The following LHFPL3 variants were observed in gnomAD, a reference collection of about 807,000 sequenced individuals.
The protein encoded by LHFPL3 is LHFPL tetraspan subfamily member 3.
Under a neutral mutation model 19.3 loss-of-function variants are expected in LHFPL3, and 5 were observed. That is an observed-to-expected ratio of 0.26 (90% CI 0.14 to 0.54). The LOEUF is 0.54. LHFPL3 is among the 20% of genes least tolerant of loss of function. The pLI is 0.94. For synonymous variants in LHFPL3, 133 were observed against 126.2 expected (o/e 1.05, Z -0.36); for missense variants, 249 against 307.4 (o/e 0.81, Z 1.42).
chr7:104,865,049 G>A (rs1791694150), intron 2 of LHFPL3, among the ~76,000 whole-genome samples: 1 of 152,062 alleles, frequency 6.6e-6, no homozygotes, highest in Non-Finnish European at 1.5e-5. Flanking sequence ...AAACAGAAAG[G>A]ACATCCACAC....
At chr7:104,548,363 C>T (rs374912049) in intron 1 of LHFPL3, among the ~76,000 whole-genome samples, 1 of 152,094 alleles carries the variant, frequency 6.6e-6, no homozygotes, top group African/African-American at 2.4e-5. Flanking sequence ...CCATATACAT[C>T]CTAAATTGAT....
At chr7:104,584,035 A>T (rs926314848) in intron 1 of LHFPL3, among the ~76,000 whole-genome samples, 2 of 152,192 alleles carry the variant, frequency 1.3e-5, no homozygotes, top group African/African-American at 4.8e-5. Flanking sequence ...ATTATTCACA[A>T]TAGCAAAGAC....
intron 1 of LHFPL3, among the ~76,000 whole-genome samples, chr7:104,510,365 TTGG>T (rs1202067904): frequency 1.3e-5 from 2 of 152,238 alleles, no homozygotes; most frequent in East Asian, 3.9e-4. Flanking sequence ...GACTGTGGTA[TTGG>T]TGGAGGGACA....
intron 1 of LHFPL3, among the ~76,000 whole-genome samples, chr7:104,345,556 T>C (rs1790049176): frequency 6.6e-6 from 1 of 152,194 alleles, no homozygotes; most frequent in African/African-American, 2.4e-5. Flanking sequence ...GCAACCATTA[T>C]AAGCATCATA....
intron 1 of LHFPL3, among the ~76,000 whole-genome samples, chr7:104,499,869 C>G (rs1452900285): frequency 6.6e-6 from 1 of 151,882 alleles, no homozygotes; most frequent in African/African-American, 2.4e-5. Context: ...TGCTTTCTTA[C>G]CAGTAGAAGA....
At chr7:104,713,878 G>A (rs1283913238) in intron 1 of LHFPL3, among the ~76,000 whole-genome samples, 1 of 152,086 alleles carries the variant, frequency 6.6e-6, no homozygotes, top group Non-Finnish European at 1.5e-5. Context: ...CAATACCAAG[G>A]CAGAAAGCAA....
chr7:104,687,696 C>T (rs1004613941), intron 1 of LHFPL3, among the ~76,000 whole-genome samples: 3 of 152,162 alleles, frequency 2.0e-5, no homozygotes, highest in South Asian at 2.1e-4. Context: ...GAAAATATAA[C>T]AGTTCCCTAT....
chr7:104,784,479 A>G lies in LHFPL3; in HGVS notation c.682+47568A>G, dbSNP rs556292200. Among the ~76,000 whole-genome samples the G allele has an allele frequency of 6.0e-4, 91 of 152,320 alleles. 5 individuals carry two copies. In the South Asian group the frequency reaches 0.018, roughly 30 times the overall value. ...AATATGCCAAATAGTTATTATTTCT[A>G]TTCTTTCCAGACAGAATTAGAAAAT... On this transcript the variant is annotated intron_variant, in intron 2 of 2. Transcript: ENST00000424859.
intron 2 of LHFPL3, among the ~76,000 whole-genome samples, chr7:104,832,322 A>G (rs1790968215): frequency 6.6e-6 from 1 of 151,880 alleles, no homozygotes; most frequent in African/African-American, 2.4e-5. Flanking sequence ...TAAAGAAAAC[A>G]CCTAACTATG....
chr7:104,807,539 G>A (rs905392733), intron 2 of LHFPL3, among the ~76,000 whole-genome samples: 6 of 152,272 alleles, frequency 3.9e-5, no homozygotes, highest in African/African-American at 4.8e-5. Context: ...TCTGAATTTC[G>A]GGTTGACAAG....
At chr7:104,520,661 C>T (rs891029029) in intron 1 of LHFPL3, among the ~76,000 whole-genome samples, 10 of 144,088 alleles carry the variant, frequency 6.9e-5, no homozygotes, top group Non-Finnish European at 1.1e-4. Flanking sequence ...CAACTTCTTC[C>T]TGGTTTAGTC....
At chr7:104,615,746 A>G (rs1194651910) in intron 1 of LHFPL3, among the ~76,000 whole-genome samples, 2 of 149,620 alleles carry the variant, frequency 1.3e-5, no homozygotes, top group South Asian at 4.3e-4. Context: ...TCTTTGTTCA[A>G]CTCCCACTTA....
chr7:104,796,152 G>A (rs1790121482), intron 2 of LHFPL3, among the ~76,000 whole-genome samples: 1 of 152,160 alleles, frequency 6.6e-6, no homozygotes, highest in Non-Finnish European at 1.5e-5. Flanking sequence ...CCAAGTTAGG[G>A]CTCGAGGAAG....
At position 104,522,333 on chromosome 7, in the gene LHFPL3, A is replaced by G. The variant is rs1220342517; in HGVS notation, c.445+193109A>G. On this transcript the variant is annotated intron_variant, in intron 1 of 2. Transcript: ENST00000424859. ...ATTCTCACTCATAGGTGGGAATTGA[A>G]CAATGAGAACACATGGACATAGGAA... Among the ~76,000 whole-genome samples the G allele has an allele frequency of 3.9e-4, 56 of 145,440 alleles. 1 individual carries two copies. Among genetic ancestry groups the G allele is most frequent in the East Asian group, 2.1e-4 (1 of 4,810 alleles).
At chr7:104,574,651 C>T (rs188214475) in intron 1 of LHFPL3, among the ~76,000 whole-genome samples, 1 of 152,180 alleles carries the variant, frequency 6.6e-6, no homozygotes, top group East Asian at 1.9e-4. Flanking sequence ...TGTCAAAATT[C>T]GTCTATATTA....
chr7:104,652,549 A>G (rs923674303), intron 1 of LHFPL3, among the ~76,000 whole-genome samples: 1 of 152,202 alleles, frequency 6.6e-6, no homozygotes, highest in Non-Finnish European at 1.5e-5. Flanking sequence ...GGAATTTCAG[A>G]AAAGGTCTTA....
intron 1 of LHFPL3, among the ~76,000 whole-genome samples, chr7:104,573,319 C>G (rs1367760984): frequency 6.7e-6 from 1 of 148,396 alleles, no homozygotes; most frequent in Admixed American, 6.8e-5. Context: ...GGCTGAGGCA[C>G]AAGAATCACT....
chr7:104,440,329 C>T (rs1202721556), intron 1 of LHFPL3, among the ~76,000 whole-genome samples: 2 of 151,810 alleles, frequency 1.3e-5, no homozygotes, highest in Non-Finnish European at 2.9e-5. Flanking sequence ...AAACCAAACA[C>T]TGCATGTTCT....
intron 1 of LHFPL3, among the ~76,000 whole-genome samples, chr7:104,361,828 T>C (rs1200359909): frequency 1.3e-5 from 2 of 152,238 alleles, no homozygotes; most frequent in Non-Finnish European, 2.9e-5. Context: ...GATTTCAAGA[T>C]ATACAAATCT....
Sources: allele counts gnomAD v4.1 joint callset (sites outside exome capture counted in the v4.1 genomes callset), GRCh38; gene constraint gnomAD v4.1.1; transcripts MANE v1.5; gene names NCBI Gene and HGNC (gene_info 2026-07-23, HGNC 2026-07-21).